Variants in CPQ observed in about 807,000 individuals in gnomAD.
The protein encoded by CPQ is Ser-Met dipeptidase.
CPQ carries 37 observed loss-of-function variants against 45.7 expected under a neutral mutation model. The ratio of observed to expected loss-of-function variants is 0.81; its 90% CI spans 0.62 to 1.07. The LOEUF is 1.07. Ranked by LOEUF, CPQ falls within the 50% of genes least tolerant of loss-of-function variation. CPQ has a pLI of 0.00. For synonymous variants in CPQ, 186 were observed against 205.8 expected (o/e 0.90, Z 0.82); for missense variants, 537 against 572.9 (o/e 0.94, Z 0.64).
intron 3 of CPQ, among the ~76,000 whole-genome samples, chr8:96,866,563 T>C (rs538863769): frequency 9.9e-5 from 15 of 152,106 alleles, no homozygotes; most frequent in Non-Finnish European, 1.9e-4. Flanking sequence ...TAGGTGTTAA[T>C]TTCTCACAAA....
intron 4 of CPQ, among the ~76,000 whole-genome samples, chr8:96,943,327 A>G (rs1180201977): frequency 2.0e-5 from 3 of 152,184 alleles, no homozygotes; most frequent in Non-Finnish European, 4.4e-5. Flanking sequence ...AGTTTGTTAT[A>G]AAGATCCTAT....
At chr8:96,757,336 G>A (rs1177100177) in intron 1 of CPQ, among the ~76,000 whole-genome samples, 1 of 146,720 alleles carries the variant, frequency 6.8e-6, no homozygotes, top group Non-Finnish European at 1.5e-5. Flanking sequence ...GGGCAACAGA[G>A]CAAGACTCCA....
chr8:97,128,455 C>G (rs1811882396), intron 7 of CPQ, among the ~76,000 whole-genome samples: 1 of 152,168 alleles, frequency 6.6e-6, no homozygotes, highest in Non-Finnish European at 1.5e-5. Flanking sequence ...GAGGCCAAGG[C>G]AGGTGGATCA....
At position 96,981,540 on chromosome 8, in the gene CPQ, G is replaced by A. The variant is rs183493296; in HGVS notation, c.961+15494G>A. ...TACTCCTTTTCTGAAAGAGGGAAGT[G>A]TGAATTTATCTTTTATAGTGAAATA... On this transcript the variant is annotated intron_variant, in intron 5 of 7. Transcript: ENST00000220763. 2.0e-5 allele frequency among the ~76,000 whole-genome samples: 3 copies of A among 152,266 alleles called. No homozygotes were observed. In the East Asian group the frequency reaches 5.8e-4, roughly 29 times the overall value.
chr8:96,698,149 CAGTT>C (rs146345751), intron 1 of CPQ, among the ~76,000 whole-genome samples: 3,306 of 152,102 alleles, frequency 0.022, 128 homozygotes, highest in African/African-American at 0.075. Flanking sequence ...GGCATAAAAA[CAGTT>C]AGACCAATGG....
At chr8:97,058,634 G>C (rs1343575418) in intron 6 of CPQ, among the ~76,000 whole-genome samples, 2 of 152,128 alleles carry the variant, frequency 1.3e-5, no homozygotes, top group Admixed American at 1.3e-4. Context: ...GAGGGATAGA[G>C]AATGAAAAAG....
chr8:97,113,478 A>G (rs528991463), intron 7 of CPQ, among the ~76,000 whole-genome samples: 3 of 152,322 alleles, frequency 2.0e-5, no homozygotes, highest in African/African-American at 7.2e-5. Context: ...CACAGTGTTT[A>G]CTGACTTAAA....
intron 4 of CPQ, among the ~76,000 whole-genome samples, chr8:96,936,661 G>C (rs1813054582): frequency 1.3e-5 from 2 of 152,112 alleles, no homozygotes; most frequent in African/African-American, 2.4e-5. Flanking sequence ...AAAGATATTG[G>C]GGAGATATTT....
chr8:96,682,842 G>A (rs2130730425), intron 1 of CPQ, among the ~76,000 whole-genome samples: 2 of 152,250 alleles, frequency 1.3e-5, no homozygotes, highest in Admixed American at 1.3e-4. Flanking sequence ...CCTTACAGAT[G>A]AGATGAGTTT....
chr8:96,898,776 T>TAA (rs11390361), intron 4 of CPQ, among the ~76,000 whole-genome samples: 3,937 of 137,600 alleles, frequency 0.029, 144 homozygotes, highest in African/African-American at 0.083. Context: ...TAGGGTATAA[T>TAA]AAAAAAAAAA....
At chr8:97,030,059 T>G (rs988300506) in intron 6 of CPQ, among the ~76,000 whole-genome samples, 1 of 152,182 alleles carries the variant, frequency 6.6e-6, no homozygotes, top group African/African-American at 2.4e-5. Flanking sequence ...TGGTCATGAT[T>G]AGAAATACAA....
intron 1 of CPQ, among the ~76,000 whole-genome samples, chr8:96,717,977 A>C (rs140790843): frequency 6.6e-4 from 100 of 152,326 alleles, no homozygotes; most frequent in African/African-American, 2.4e-3. Flanking sequence ...GTGTTCCACT[A>C]GCAGCAGCTA....
chr8:96,658,158 C>G (rs1815659434), intron 1 of CPQ, among the ~76,000 whole-genome samples: 1 of 152,192 alleles, frequency 6.6e-6, no homozygotes, highest in South Asian at 2.1e-4. Flanking sequence ...TAGAAAGTGG[C>G]TGGAGGTATC....
rs1373078611 is a variant in CPQ, at chr8:96,996,735, A to AT, written c.961+30696dup. Among the ~76,000 whole-genome samples the AT allele has an allele frequency of 5.9e-5, 9 of 151,984 alleles. No individual in the cohort carries two copies. The South Asian group carries it at 1.7e-3, about 28-fold the overall frequency. On this transcript the variant is annotated intron_variant, in intron 5 of 7. Coordinates refer to ENST00000220763, the MANE Select transcript of CPQ (RefSeq NM_016134.4). ...TTGTGCTTATATATGCAATTTGTCT[A>AT]TTTTTTTCATATCTGTTTTCAGCTT...
At chr8:96,762,605 A>G (rs1442845378) in intron 1 of CPQ, among the ~76,000 whole-genome samples, 1 of 152,188 alleles carries the variant, frequency 6.6e-6, no homozygotes, top group Admixed American at 6.5e-5. Flanking sequence ...CTAAGGAAAT[A>G]GTATCCAGGC....
At position 96,655,707 on chromosome 8, in the gene CPQ, T is replaced by A. The variant is rs186718956; in HGVS notation, c.-35+10305T>A. Among the ~76,000 whole-genome samples, 8 of 152,310 alleles carry A rather than the reference T, an allele frequency of 5.3e-5. No homozygotes were observed. In the East Asian group the frequency reaches 1.5e-3, roughly 29 times the overall value. ...GTGTTTAATACCCCAGTAAACCAAT[T>A]GTAATGTCAAAAAATTATGAGTTGA... On this transcript the variant is annotated intron_variant, in intron 1 of 7. Transcript: ENST00000220763.
intron 4 of CPQ, among the ~76,000 whole-genome samples, chr8:96,912,956 A>T (rs1260104868): frequency 6.6e-6 from 1 of 152,172 alleles, no homozygotes; most frequent in African/African-American, 2.4e-5. Context: ...TGATAATGAC[A>T]TTCTCACTCT....
At chr8:97,068,221 C>G (rs895634817) in intron 7 of CPQ, among the ~76,000 whole-genome samples, 1 of 152,160 alleles carries the variant, frequency 6.6e-6, no homozygotes, top group Admixed American at 6.5e-5. Flanking sequence ...TAATTTGATT[C>G]TTTTCACCTA....
chr8:96,929,729 C>T (rs983194684), intron 4 of CPQ, among the ~76,000 whole-genome samples: 4 of 152,112 alleles, frequency 2.6e-5, no homozygotes, highest in Non-Finnish European at 4.4e-5. Context: ...GGAATGTGTA[C>T]GTAAGCACCC....
Sources: gnomAD v4.1 joint callset for allele counts (sites outside exome capture counted in the v4.1 genomes callset) on GRCh38, gnomAD v4.1.1 for gene constraint, MANE v1.5 for transcripts, NCBI Gene and HGNC (gene_info 2026-07-23, HGNC 2026-07-21) for gene names.